The following KIF21A variants were observed in gnomAD, a reference collection of about 807,000 sequenced individuals.
KIF21A encodes the protein kinesin family member 21A, also known as kinesin-like protein KIF21A.
KIF21A carries 114 observed loss-of-function variants against 202.9 expected under a neutral mutation model. The observed-to-expected ratio is 0.56, with a 90% confidence interval of 0.48 to 0.66. The LOEUF (loss-of-function observed/expected upper bound fraction) is 0.66. Ranked by LOEUF, KIF21A falls within the 30% of genes least tolerant of loss-of-function variation. The pLI, the probability that KIF21A is intolerant of heterozygous loss-of-function variation, is 0.00. For synonymous variants in KIF21A, 667 were observed against 670.8 expected (o/e 0.99, Z 0.09); for missense variants, 1,677 against 1,994.9 (o/e 0.84, Z 3.04).
chr12:39,366,665 A>T (rs1156262882), intron 5 of KIF21A, 148 bp from the exon 6 acceptor site: 6 of 668,962 alleles, frequency 9.0e-6, no homozygotes, highest in Non-Finnish European at 1.5e-5. Flanking sequence ...GTCTGCTGGC[A>T]ATTAGAAATT....
At chr12:39,380,168 G>A (rs1015559167) in intron 1 of KIF21A, among the ~76,000 whole-genome samples, 14 of 152,050 alleles carry the variant, frequency 9.2e-5, no homozygotes, top group East Asian at 3.9e-4. Flanking sequence ...GGGTTTCACC[G>A]TGTTGCCCAG....
At chr12:39,332,471 A>AC in intron 20 of KIF21A, 63 bp from the exon 21 acceptor site, 1 of 1,365,500 alleles carries the variant, frequency 7.3e-7, no homozygotes, top group Non-Finnish European at 1.0e-6. Flanking sequence ...CAGTACCATC[A>AC]AACCCCCCCA....
At chr12:39,380,115 A>T (rs1363820628) in intron 1 of KIF21A, among the ~76,000 whole-genome samples, 1 of 152,054 alleles carries the variant, frequency 6.6e-6, no homozygotes, top group African/African-American at 2.4e-5. Context: ...TTACAGGAGC[A>T]CGCTGCCATG....
intron 33 of KIF21A, 44 bp downstream of exon 33, chr12:39,309,542 A>T: frequency 2.2e-6 from 3 of 1,345,968 alleles, no homozygotes; most frequent in Non-Finnish European, 3.1e-6. Flanking sequence ...AAAAAAAAAG[A>T]AGAGCTATTC....
At chr12:39,365,981 G>T (rs1216030770) in intron 6 of KIF21A, among the ~76,000 whole-genome samples, 1 of 152,090 alleles carries the variant, frequency 6.6e-6, no homozygotes, top group Admixed American at 6.6e-5. Flanking sequence ...CCAGGAGAGT[G>T]GGTGACAGAG....
chr12:39,389,331 C>CA (rs1344035820), intron 1 of KIF21A, among the ~76,000 whole-genome samples: 1 of 152,108 alleles, frequency 6.6e-6, no homozygotes, highest in African/African-American at 2.4e-5. Context: ...CTCTAATATA[C>CA]AAACACTTGC....
chr12:39,442,503 T>C lies in KIF21A; in HGVS notation c.44+424A>G, dbSNP rs1374966710. On this transcript the variant is annotated intron_variant, in intron 1 of 37. Coordinates refer to ENST00000361418, the MANE Select transcript of KIF21A (RefSeq NM_001173464.2). This position sits in a 1 kb window ranked among gnomAD's most constrained non-coding sequence, Gnocchi z 5.0. ...AAGGCCGGAGCTGCATGGACACGTATGACAGACATTCTAGAACTAATAAAA... is the reference window on the plus strand; with the variant it reads ...AAGGCCGGAGCTGCATGGACACGTACGACAGACATTCTAGAACTAATAAAA... Among the ~76,000 whole-genome samples the C allele has an allele frequency of 1.3e-5, 2 of 152,128 alleles. No individual in the cohort carries two copies. Among genetic ancestry groups the C allele is most frequent in the South Asian group, 2.1e-4 (1 of 4,830 alleles).
At chr12:39,313,526 TA>T (rs1482902329) in intron 31 of KIF21A, among the ~76,000 whole-genome samples, 1 of 151,306 alleles carries the variant, frequency 6.6e-6, no homozygotes, top group Non-Finnish European at 1.5e-5. Context: ...ATGGAACTGT[TA>T]GAGTAAAGTA....
rs1394783161 is a variant in KIF21A at position 39,322,726 on chromosome 12, A to T, written c.3613T>A (p.Ser1205Thr). 14 of 1,614,024 alleles carry T rather than the reference A, an allele frequency of 8.7e-6. No individual in the cohort carries two copies. The highest frequency in any genetic ancestry group is 1.7e-5 in the Admixed American group (1 of 60,008). The change falls in exon 27 of 38, where the codon TCT (serine) becomes ACT (threonine). Residue 1205 changes from serine (S) to threonine (T), a missense_variant. By Grantham distance (58) the Ser-to-Thr change is moderately conservative (BLOSUM62 1). Coordinates refer to ENST00000361418, the MANE Select transcript of KIF21A (RefSeq NM_001173464.2). ...GGAGAGAGCTCTTTTTCCCTAGCAG[A>T]AGTACCACTTGTCTCTGTATTCATT... ...IGMNTETSGT[S>T]AREKELSPPP... is the part of the protein sequence containing the mutation.
chr12:39,348,165 A>G (rs1263134737), intron 11 of KIF21A, among the ~76,000 whole-genome samples: 1 of 152,102 alleles, frequency 6.6e-6, no homozygotes, highest in Non-Finnish European at 1.5e-5. Flanking sequence ...GTTCAAAAAG[A>G]CAATGAAGGG....
chr12:39,352,305 A>G (rs1284560400), intron 10 of KIF21A, among the ~76,000 whole-genome samples: 2 of 152,164 alleles, frequency 1.3e-5, no homozygotes, highest in Non-Finnish European at 2.9e-5. Context: ...TTCATGCTAA[A>G]AAGTTTTCCA....
At chr12:39,366,543 A>G (rs1410377522) in intron 5 of KIF21A, 26 bp from the exon 6 acceptor site, 6 of 1,494,014 alleles carry the variant, frequency 4.0e-6, no homozygotes, top group Admixed American at 1.8e-5. Flanking sequence ...ATAATTGAAA[A>G]TACTTTATTA....
intron 1 of KIF21A, among the ~76,000 whole-genome samples, chr12:39,421,542 A>G (rs1480755718): frequency 6.6e-6 from 1 of 151,656 alleles, no homozygotes; most frequent in African/African-American, 2.4e-5. Flanking sequence ...AAAATACACA[A>G]ATTAGCCGGG....
rs189194242 is a variant in KIF21A at position 39,313,347 on chromosome 12, G to A, written c.3960-1794C>T. 8.7e-4 allele frequency among the ~76,000 whole-genome samples: 132 copies of A among 151,916 alleles called. 1 individual carries two copies. Among genetic ancestry groups the A allele is most frequent in the African/African-American group, 3.1e-3 (127 of 41,540 alleles). On this transcript the variant is annotated intron_variant, in intron 31 of 37. Transcript: ENST00000361418. Reference sequence around the variant, plus strand: ...AATCATTATCCACTTAAAAATAAATGTTCACCAACAAAAGATAACATGGGC... The same window carrying A: ...AATCATTATCCACTTAAAAATAAATATTCACCAACAAAAGATAACATGGGC...
chr12:39,436,872 A>C (rs1446863158), intron 1 of KIF21A, among the ~76,000 whole-genome samples: 4 of 152,172 alleles, frequency 2.6e-5, no homozygotes, highest in Admixed American at 2.6e-4. Context: ...AAGCAGTGAA[A>C]ATAACAACAA....
chr12:39,342,258 G>T, intron 12 of KIF21A, 134 bp from the exon 13 acceptor site: 1 of 695,916 alleles, frequency 1.4e-6, no homozygotes, highest in South Asian at 1.5e-5. Context: ...ACTGAGCAAA[G>T]CTATTCTATC....
intron 1 of KIF21A, among the ~76,000 whole-genome samples, chr12:39,392,486 C>A (rs1196432622): frequency 1.3e-5 from 2 of 152,072 alleles, no homozygotes; most frequent in African/African-American, 2.4e-5. Context: ...GGAGCTTTCA[C>A]AAGAACATTT....
At chr12:39,377,248 T>C (rs1162111760) in intron 1 of KIF21A, among the ~76,000 whole-genome samples, 2 of 152,196 alleles carry the variant, frequency 1.3e-5, no homozygotes, top group Non-Finnish European at 2.9e-5. Flanking sequence ...TGCCTTTCTT[T>C]ATCTCATTTG....
chr12:39,296,025 T>TTGTTA (rs755289895), intron 37 of KIF21A, among the ~76,000 whole-genome samples: 1 of 86,774 alleles, frequency 1.2e-5, no homozygotes, highest in African/African-American at 5.0e-5. Flanking sequence ...GTTTGTTTGT[T>TTGTTA]AAAAAAAAAA....
Sources: gnomAD v4.1 joint callset for allele counts (sites outside exome capture counted in the v4.1 genomes callset) on GRCh38, gnomAD v4.1.1 for gene constraint, Gnocchi (gnomAD v3.1) non-coding constraint, MANE v1.5 for transcripts, NCBI Gene and HGNC (gene_info 2026-07-23, HGNC 2026-07-21) for gene names.